ACACA: variants seen among roughly 807,000 people sequenced by gnomAD.
The protein encoded by ACACA is acetyl-CoA carboxylase 1.
A neutral mutation model predicts 296.1 loss-of-function variants in ACACA; 103 were observed. The observed-to-expected ratio is 0.35, with a 90% CI of 0.30 to 0.41. The LOEUF (loss-of-function observed/expected upper bound fraction) is 0.41, where lower values mean the gene tolerates loss of function less well. Among genes scored for constraint, ACACA ranks in the 10% least tolerant of loss-of-function variants. ACACA has a pLI of 1.00. For synonymous variants in ACACA, 953 were observed against 1,038.6 expected, an observed-to-expected ratio of 0.92 and a Z score of 1.58; for missense variants, 1,554 against 2,989.7, an observed-to-expected ratio of 0.52 and a Z score of 11.20.
chr17:37,129,277 T>G, intron 47 of ACACA, 88 bp downstream of exon 47: 1 of 1,554,932 alleles, frequency 6.4e-7, no homozygotes, highest in Non-Finnish European at 8.9e-7. Flanking sequence ...CTTAGTCACA[T>G]GTGATTGTTC....
intron 3 of ACACA, among the ~76,000 whole-genome samples, chr17:37,292,236 A>C (rs1213903732): frequency 1.3e-5 from 2 of 152,214 alleles, no homozygotes. Context: ...TAAGTAAAGC[A>C]GTAAGGGGCA....
chr17:37,150,945 A>G (rs991383524), intron 44 of ACACA, among the ~76,000 whole-genome samples: 7 of 151,318 alleles, frequency 4.6e-5, no homozygotes, highest in Admixed American at 2.6e-4. Flanking sequence ...CCAGCTACTC[A>G]GGAGGCTGAG....
rs141670644 is a variant in ACACA, at chr17:37,261,622, T to C, written c.1329+2063A>G. Among the ~76,000 whole-genome samples the C allele has an allele frequency of 6.0e-3, 910 of 152,304 alleles. 10 individuals are homozygous for C. The highest frequency in any genetic ancestry group is 0.031 in the Middle Eastern group (9 of 294). ...CAGAGAAAACTGAATGAGGAAGAACTTCCCAGAAAACAATGTCAGGTGTCT... is the reference window on the plus strand; with the variant it reads ...CAGAGAAAACTGAATGAGGAAGAACCTCCCAGAAAACAATGTCAGGTGTCT... On this transcript the variant is annotated intron_variant, in intron 11 of 55. Coordinates refer to ENST00000616317, the MANE Select transcript of ACACA (RefSeq NM_198834.3).
At chr17:37,144,636 T>C (rs2075736631) in intron 45 of ACACA, among the ~76,000 whole-genome samples, 1 of 152,076 alleles carries the variant, frequency 6.6e-6, no homozygotes, top group Admixed American at 6.5e-5. Context: ...AAAATACATA[T>C]ATGAGAACCA....
At chr17:37,279,788 G>C (rs1049548662) in intron 5 of ACACA, among the ~76,000 whole-genome samples, 1 of 152,082 alleles carries the variant, frequency 6.6e-6, no homozygotes, top group East Asian at 1.9e-4. Flanking sequence ...TCCAGCCTGG[G>C]GGACAGAGTG....
intron 3 of ACACA, among the ~76,000 whole-genome samples, chr17:37,327,621 T>C (rs1244120706): frequency 6.6e-6 from 1 of 152,246 alleles, no homozygotes; most frequent in Non-Finnish European, 1.5e-5. Context: ...TATCACTAGC[T>C]GAGTTTCTTA....
chr17:37,147,454 GCAAA>G (rs1188276711), intron 45 of ACACA, among the ~76,000 whole-genome samples: 1 of 152,094 alleles, frequency 6.6e-6, no homozygotes, highest in Non-Finnish European at 1.5e-5. Context: ...AGAAAGAAAG[GCAAA>G]CAGAGATGAA....
At chr17:37,167,270 C>CTT (rs11387933) in intron 41 of ACACA, among the ~76,000 whole-genome samples, 29 of 105,540 alleles carry the variant, frequency 2.7e-4, no homozygotes, top group African/African-American at 5.0e-4. Context: ...ATGGTATTTT[C>CTT]TTTTTTTTTT....
chr17:37,390,323 T>TATATATATAC (rs2050810272), intron 1 of ACACA, among the ~76,000 whole-genome samples: 1 of 46,668 alleles, frequency 2.1e-5, no homozygotes, highest in Non-Finnish European at 3.5e-5. Flanking sequence ...TATATATATA[T>TATATATATAC]ATATATATAT....
At chr17:37,249,764 G>A (rs1420696676) in intron 16 of ACACA, among the ~76,000 whole-genome samples, 3 of 148,386 alleles carry the variant, frequency 2.0e-5, no homozygotes, top group Non-Finnish European at 4.5e-5. Flanking sequence ...ACCAGGAGGT[G>A]GGAAGAAACA....
chr17:37,143,317 TCAGTTAACAGAA>T (rs1483302164), intron 45 of ACACA, among the ~76,000 whole-genome samples: 2 of 151,728 alleles, frequency 1.3e-5, no homozygotes, highest in African/African-American at 2.4e-5. Context: ...AGAGTGGTAT[TCAGTTAACAGAA>T]CAATTGTTTC....
chr17:37,175,993 A>G (rs930438373), intron 41 of ACACA, among the ~76,000 whole-genome samples: 2 of 152,210 alleles, frequency 1.3e-5, no homozygotes, highest in Non-Finnish European at 2.9e-5. Flanking sequence ...AACAGCCAAT[A>G]TTCCTCCTCA....
intron 38 of ACACA, 27 bp downstream of exon 38, chr17:37,191,093 T>C (rs1180822434): frequency 6.2e-7 from 1 of 1,613,120 alleles, no homozygotes; most frequent in Admixed American, 1.7e-5. Context: ...TTGCTAGTGC[T>C]GGGAGAGAAG....
chr17:37,252,747 T>C (rs746656789), intron 15 of ACACA, 139 bp downstream of exon 15: 2 of 1,135,236 alleles, frequency 1.8e-6, no homozygotes, highest in Non-Finnish European at 2.6e-6. Context: ...GTGCTAAAAT[T>C]ACACTGACTC....
At chr17:37,382,350 T>TC (rs2050332741) in intron 1 of ACACA, among the ~76,000 whole-genome samples, 1 of 151,810 alleles carries the variant, frequency 6.6e-6, no homozygotes, top group South Asian at 2.1e-4. Context: ...TTTCTTTTTT[T>TC]CATATAGTTT....
intron 39 of ACACA, among the ~76,000 whole-genome samples, chr17:37,186,740 G>A (rs1421708199): frequency 2.0e-5 from 3 of 152,118 alleles, no homozygotes; most frequent in African/African-American, 4.8e-5. Context: ...CCTTCAGGTT[G>A]AAGGTGGTTT....
chr17:37,321,721 C>T (rs1395575312), intron 3 of ACACA, among the ~76,000 whole-genome samples: 2 of 151,670 alleles, frequency 1.3e-5, no homozygotes, highest in African/African-American at 4.8e-5. Flanking sequence ...GCCCTCCAGC[C>T]TGGGCGACAG....
Position 37,257,810 on chromosome 17 carries a change from A to G in ACACA, c.1719T>C (p.Asn573=). The stretch of plus-strand genomic sequence containing the variant: ...CAGCAACACTGAAATATCCCCAAAC[A>G]TTCTTATTGCTGCGGAAATTTAGCT... The part of the protein sequence containing the change: ...VQELNFRSNK[N]VWGYFSVAAA... The change falls in exon 14 of 56, where the codon AAT becomes AAC. Residue 573 remains asparagine, a synonymous_variant. Coordinates refer to ENST00000616317, the MANE Select transcript of ACACA (RefSeq NM_198834.3). 2 of 1,614,208 alleles carry G rather than the reference A, an allele frequency of 1.2e-6. No homozygotes were observed. The highest frequency in any genetic ancestry group is 1.7e-6 in the Non-Finnish European group (2 of 1,180,022).
intron 10 of ACACA, among the ~76,000 whole-genome samples, chr17:37,268,752 T>C (rs1046928705): frequency 6.9e-6 from 1 of 145,372 alleles, no homozygotes; most frequent in Admixed American, 6.9e-5. Flanking sequence ...TATATATATA[T>C]ATATATATAT....
Sources: allele counts gnomAD v4.1 joint callset (sites outside exome capture counted in the v4.1 genomes callset), GRCh38; gene constraint gnomAD v4.1.1; transcripts MANE v1.5; gene names NCBI Gene and HGNC (gene_info 2026-07-23, HGNC 2026-07-21).